The following WWOX variants were observed in gnomAD, a reference collection of about 807,000 sequenced individuals.
WWOX encodes WW domain containing oxidoreductase, also known as WW domain-containing oxidoreductase.
A neutral mutation model predicts 46.2 loss-of-function variants in WWOX; 69 were observed. That is an observed-to-expected ratio of 1.49 (90% CI 1.23 to 1.82). WWOX has a LOEUF of 1.82. WWOX is among the 40% of genes most tolerant of loss of function. The pLI, the probability that WWOX is intolerant of heterozygous loss-of-function variation, is 0.00. For missense variants in WWOX, 919 were observed against 542.6 expected, an observed-to-expected ratio of 1.69 and a Z score of -6.89; for synonymous variants, 359 against 202.6, an observed-to-expected ratio of 1.77 and a Z score of -6.56.
intron 5 of WWOX, among the ~76,000 whole-genome samples, chr16:78,318,527 G>A (rs911882505): frequency 1.3e-5 from 2 of 152,146 alleles, no homozygotes; most frequent in African/African-American, 2.4e-5. Flanking sequence ...TAAAACAAAT[G>A]TTAAGAACAC....
At chr16:79,133,486 A>G (rs143799459) in intron 8 of WWOX, among the ~76,000 whole-genome samples, 274 of 152,376 alleles carry the variant, frequency 1.8e-3, no homozygotes, top group African/African-American at 6.3e-3. Flanking sequence ...AGTAAAGTAC[A>G]GAACAGGTGG....
At chr16:79,006,500 G>C (rs1036830363) in intron 8 of WWOX, among the ~76,000 whole-genome samples, 1 of 151,882 alleles carries the variant, frequency 6.6e-6, no homozygotes, top group Admixed American at 6.6e-5. Context: ...CCTGATCTGA[G>C]TTACGCTTTT....
At chr16:78,823,164 C>G (rs1197647859) in intron 8 of WWOX, among the ~76,000 whole-genome samples, 1 of 152,202 alleles carries the variant, frequency 6.6e-6, no homozygotes, top group Non-Finnish European at 1.5e-5. Context: ...TTCAGCCCTG[C>G]TGCTGAGGTC....
At chr16:78,487,379 C>G (rs1043397764) in intron 8 of WWOX, among the ~76,000 whole-genome samples, 1 of 152,114 alleles carries the variant, frequency 6.6e-6, no homozygotes, top group African/African-American at 2.4e-5. Context: ...CGTATCCCAT[C>G]TACTAATACA....
At chr16:79,103,836 A>G (rs532580130) in intron 8 of WWOX, among the ~76,000 whole-genome samples, 1 of 152,228 alleles carries the variant, frequency 6.6e-6, no homozygotes, top group African/African-American at 2.4e-5. Context: ...TTATGCCATC[A>G]TGCACGTTTC....
intron 8 of WWOX, among the ~76,000 whole-genome samples, chr16:78,719,264 G>C (rs2048639028): frequency 6.6e-6 from 1 of 152,024 alleles, no homozygotes; most frequent in Admixed American, 6.6e-5. Context: ...ACACAAAACG[G>C]GTGACCATGG....
chr16:78,766,126 C>G (rs893813531), intron 8 of WWOX, among the ~76,000 whole-genome samples: 2 of 152,216 alleles, frequency 1.3e-5, no homozygotes, highest in East Asian at 3.9e-4. Flanking sequence ...ATACCGTCCC[C>G]TGATAGTCGG....
chr16:79,098,632 G>T (rs573044969), intron 8 of WWOX, among the ~76,000 whole-genome samples: 1 of 152,160 alleles, frequency 6.6e-6, no homozygotes, highest in African/African-American at 2.4e-5. Flanking sequence ...AAGAAGAATG[G>T]TTTCATAGTG....
rs1052960867 is a variant in WWOX, at chr16:78,326,659, C to T, written c.517-60201C>T. Reference sequence around the variant, plus strand: ...AACATAAAGCATATTTTCTGGCATACAGCATATGTTTAATTTATAATTTTT... The same window carrying T: ...AACATAAAGCATATTTTCTGGCATATAGCATATGTTTAATTTATAATTTTT... On this transcript the variant is annotated intron_variant, in intron 5 of 8. Coordinates refer to ENST00000566780, the MANE Select transcript of WWOX (RefSeq NM_016373.4). Among the ~76,000 whole-genome samples, 7 of 143,514 alleles carry T rather than the reference C, an allele frequency of 4.9e-5. 1 individual carries two copies. The highest frequency in any genetic ancestry group is 2.1e-4 in the East Asian group (1 of 4,810). 94.2% of individuals were successfully genotyped at this position (143,514 alleles called of 152,430 possible). A position where few individuals can be genotyped will look rare whatever the true frequency, so the allele number is the denominator to read the frequency against.
chr16:79,022,969 G>T (rs371032101), intron 8 of WWOX, among the ~76,000 whole-genome samples: 2 of 152,046 alleles, frequency 1.3e-5, no homozygotes, highest in Non-Finnish European at 2.9e-5. Flanking sequence ...GTTTGGGGAG[G>T]ATTAAATAAG....
chr16:79,006,629 AC>A (rs1359817138), intron 8 of WWOX, among the ~76,000 whole-genome samples: 2 of 152,166 alleles, frequency 1.3e-5, no homozygotes, highest in Non-Finnish European at 2.9e-5. Flanking sequence ...GTATTATCTG[AC>A]AGTCCCATAA....
At chr16:78,387,879 A>G (rs180919016) in intron 6 of WWOX, among the ~76,000 whole-genome samples, 2 of 152,230 alleles carry the variant, frequency 1.3e-5, no homozygotes, top group Admixed American at 1.3e-4. Flanking sequence ...CACCAGAACC[A>G]CTGAATGTGG....
At chr16:78,843,092 T>A (rs548619412) in intron 8 of WWOX, among the ~76,000 whole-genome samples, 1 of 150,074 alleles carries the variant, frequency 6.7e-6, no homozygotes, top group Admixed American at 6.6e-5. Flanking sequence ...ACTTCTCTTG[T>A]TAATTTTTTT....
intron 8 of WWOX, among the ~76,000 whole-genome samples, chr16:78,809,697 A>T (rs2051138309): frequency 6.6e-6 from 1 of 152,160 alleles, no homozygotes; most frequent in Non-Finnish European, 1.5e-5. Flanking sequence ...GGGAGTGTGA[A>T]TGAGGCCATG....
chr16:78,612,619 G>C (rs535085649), intron 8 of WWOX, among the ~76,000 whole-genome samples: 6 of 152,086 alleles, frequency 3.9e-5, no homozygotes, highest in Non-Finnish European at 8.8e-5. Context: ...CTACAGTTGT[G>C]CACTACCACA....
intron 8 of WWOX, among the ~76,000 whole-genome samples, chr16:78,456,769 A>T (rs1010605620): frequency 2.0e-5 from 3 of 152,280 alleles, no homozygotes; most frequent in Non-Finnish European, 4.4e-5. Flanking sequence ...AAAAATTATC[A>T]TGCCCATTCA....
chr16:78,637,297 C>T (rs1300905368), intron 8 of WWOX, among the ~76,000 whole-genome samples: 1 of 152,068 alleles, frequency 6.6e-6, no homozygotes, highest in African/African-American at 2.4e-5. Flanking sequence ...CAAAAATTAG[C>T]TGGGCATGGT....
At chr16:79,210,626 A>G (rs1199165327) in intron 8 of WWOX, among the ~76,000 whole-genome samples, 1 of 152,186 alleles carries the variant, frequency 6.6e-6, no homozygotes, top group African/African-American at 2.4e-5. Flanking sequence ...ACACATAAAT[A>G]ATCATAAGAT....
At chr16:78,590,177 A>G (rs1438617782) in intron 8 of WWOX, among the ~76,000 whole-genome samples, 1 of 102,514 alleles carries the variant, frequency 9.8e-6, no homozygotes. Flanking sequence ...TATTATAGAT[A>G]GAAATAAAAA....
Sources: gnomAD v4.1 joint callset for allele counts (sites outside exome capture counted in the v4.1 genomes callset) on GRCh38, gnomAD v4.1.1 for gene constraint, MANE v1.5 for transcripts, NCBI Gene and HGNC (gene_info 2026-07-23, HGNC 2026-07-21) for gene names.